SH2D3C: variants seen among roughly 807,000 people sequenced by gnomAD.
SH2D3C encodes the protein SH2 domain-containing protein 3C.
SH2D3C carries 25 observed loss-of-function variants against 75.2 expected under a neutral mutation model. The ratio of observed to expected loss-of-function variants is 0.33; its 90% confidence interval spans 0.24 to 0.46. SH2D3C has a LOEUF of 0.46. SH2D3C is among the 20% of genes least tolerant of loss of function. The pLI is 1.00. For synonymous variants in SH2D3C, 450 were observed against 473.7 expected (o/e 0.95, Z 0.65); for missense variants, 933 against 1,165.3 (o/e 0.80, Z 2.90).
At position 127,749,419 on chromosome 9, in the gene SH2D3C, T is replaced by G; in HGVS notation, c.931A>C (p.Ser311Arg). Reference sequence around the variant, plus strand: ...ACCGGGCAGTAGATGATGGCACCACTCTGCTCTGACACAGCCTTGCGGCTG... The same window carrying G: ...ACCGGGCAGTAGATGATGGCACCACGCTGCTCTGACACAGCCTTGCGGCTG... Reference protein sequence around the residue: ...VGSRKAVSEQSGAIIYCPVNR... With the variant: ...VGSRKAVSEQRGAIIYCPVNR... Residue 311 changes from serine to arginine, a missense_variant, in exon 5 of 12, where the codon AGT (serine) becomes CGT (arginine). Transcript: ENST00000314830. This position sits in a 1 kb window ranked among gnomAD's most constrained non-coding sequence, Gnocchi z 5.9. 1.9e-6 allele frequency: 3 copies of G among 1,614,174 alleles called. No homozygotes were observed. The highest frequency in any genetic ancestry group is 2.5e-6 in the Non-Finnish European group (3 of 1,180,042).
intron 6 of SH2D3C, among the ~76,000 whole-genome samples, chr9:127,745,836 G>C (rs1367011609): frequency 1.3e-5 from 2 of 152,134 alleles, no homozygotes; most frequent in African/African-American, 4.8e-5. Context: ...TTGTGTGCTA[G>C]GAGCTGGCAA....
At chr9:127,762,218 T>C in intron 2 of SH2D3C, 1 of 1,199,330 alleles carries the variant, frequency 8.3e-7, no homozygotes, top group Non-Finnish European at 1.1e-6. Flanking sequence ...GAATTGATTC[T>C]GCCCCCAGGG....
intron 7 of SH2D3C, 150 bp downstream of exon 7, chr9:127,744,414 G>T: frequency 9.7e-7 from 1 of 1,035,280 alleles, no homozygotes. Context: ...TAAATGACCA[G>T]CCCAGAGTCA....
In SH2D3C at chr9:127,747,238, G is replaced by C. The variant is rs758813030; in HGVS notation, c.1173C>G (p.Arg391=). 2.2e-5 allele frequency: 36 copies of C among 1,613,674 alleles called. No individual in the cohort carries two copies. Among genetic ancestry groups the C allele is most frequent in the Non-Finnish European group, 2.8e-5 (33 of 1,180,000 alleles). Residue 391 remains arginine, a synonymous_variant, in exon 6 of 12, where the codon CGC becomes CGG. Transcript: ENST00000314830. ...TSLPRPRDSI[R]SCALSMDQIP... ...TCTGGTCCATGCTGAGGGCACAGCT[G>C]CGGATGGAGTCCCGAGGGCGGGGCA...
At chr9:127,759,799 C>T (rs1047247131) in intron 3 of SH2D3C, among the ~76,000 whole-genome samples, 72 of 151,918 alleles carry the variant, frequency 4.7e-4, no homozygotes, top group Admixed American at 1.2e-3. Flanking sequence ...CTGGCTAACA[C>T]GGTGAAACTC....
At position 127,749,773 on chromosome 9, in the gene SH2D3C, C is replaced by T. The variant is rs2233501; in HGVS notation, c.685-108G>A. On this transcript the variant is annotated intron_variant, in intron 4 of 11. Coordinates refer to ENST00000314830, the MANE Select transcript of SH2D3C (RefSeq NM_170600.3). The surrounding 1 kb of genome is among the most constrained non-coding windows in gnomAD (Gnocchi z 5.9). ...ATTAGGGGGCACAGCAAGACCAGACCCAGGGCATAGAGGACCCAATGAACA... is the reference window on the plus strand; with the variant it reads ...ATTAGGGGGCACAGCAAGACCAGACTCAGGGCATAGAGGACCCAATGAACA... 2,167 of 697,418 alleles carry T rather than the reference C, an allele frequency of 3.1e-3. 40 individuals are homozygous for T. The African/African-American group carries it at 0.035, about 11-fold the overall frequency. 43.2% of individuals were successfully genotyped at this position (697,418 alleles called of 1,614,324 possible).
rs1491164746 is a variant in SH2D3C at position 127,757,639 on chromosome 9, G to GATTATTATT, written c.555+3971_555+3972insAATAATAAT. Among the ~76,000 whole-genome samples the GATTATTATT allele has an allele frequency of 4.8e-3, 557 of 115,270 alleles. 8 individuals carry two copies. The highest frequency in any genetic ancestry group is 0.014 in the East Asian group (56 of 3,988). 75.6% of individuals were successfully genotyped at this position (115,270 alleles called of 152,430 possible). On this transcript the variant is annotated intron_variant, in intron 3 of 11. Coordinates refer to ENST00000314830, the MANE Select transcript of SH2D3C (RefSeq NM_170600.3). ...TGATGATGATGATGATGATGATGAT[G>GATTATTATT]ATGATGATTATTATTATTATTATTA...
At chr9:127,767,405 G>T in intron 2 of SH2D3C, 1 of 1,133,082 alleles carries the variant, frequency 8.8e-7, no homozygotes, top group Non-Finnish European at 1.2e-6. Flanking sequence ...CAGCTGCTCA[G>T]ACTAGAACCA....
chr9:127,747,230 G>A lies in SH2D3C; in HGVS notation c.1181C>T (p.Ala394Val). The part of the protein sequence containing the change: ...PRPRDSIRSC[A>V]LSMDQIPDLH... ...GTCTGGGATCTGGTCCATGCTGAGG[G>A]CACAGCTGCGGATGGAGTCCCGAGG... is the stretch of plus-strand genomic sequence containing the variant. The change falls in exon 6 of 12, where the codon GCC (alanine) becomes GTC (valine). Residue 394 changes from alanine (A) to valine (V), a missense_variant. Coordinates refer to ENST00000314830, the MANE Select transcript of SH2D3C (RefSeq NM_170600.3). 2 of 1,613,790 alleles carry A rather than the reference G, an allele frequency of 1.2e-6. No homozygotes were observed. Among genetic ancestry groups the A allele is most frequent in the Non-Finnish European group, 1.7e-6 (2 of 1,179,946 alleles).
chr9:127,744,698 C>A lies in SH2D3C; in HGVS notation c.1666G>T (p.Ala556Ser). ...IVEVTSSFNP[A>S]TFQSLLIPRD... ...GGGATCAGTAGTGACTGGAAGGTGG[C>A]CGGGTTGAAGGAAGAAGTGACTTCC... Residue 556 changes from alanine (A) to serine (S), a missense_variant, in exon 7 of 12, where the codon GCC becomes TCC. Coordinates refer to ENST00000314830, the MANE Select transcript of SH2D3C (RefSeq NM_170600.3). The A allele has an allele frequency of 6.2e-7, 1 of 1,614,184 alleles. No homozygotes were observed. Among genetic ancestry groups the A allele is most frequent in the Non-Finnish European group, 8.5e-7 (1 of 1,180,030 alleles).
intron 2 of SH2D3C, among the ~76,000 whole-genome samples, chr9:127,773,149 T>C (rs1016298630): frequency 1.1e-4 from 16 of 152,306 alleles, no homozygotes; most frequent in African/African-American, 3.8e-4. Flanking sequence ...AGTGAGATAC[T>C]TGTTTTGATA....
intron 3 of SH2D3C, among the ~76,000 whole-genome samples, chr9:127,756,129 G>A (rs948136804): frequency 4.6e-5 from 7 of 152,058 alleles, no homozygotes; most frequent in Non-Finnish European, 1.0e-4. Context: ...GTGAAACCCT[G>A]TCTCTACTAA....
At chr9:127,756,730 C>T (rs111727301) in intron 3 of SH2D3C, among the ~76,000 whole-genome samples, 8,882 of 150,216 alleles carry the variant, frequency 0.059, 582 homozygotes, top group African/African-American at 0.16. Flanking sequence ...ATGTAAGCTC[C>T]GCCTCCCGCG....
rs1386893820 is a variant in SH2D3C, at chr9:127,742,968, C to G, written c.1801-4G>C. 1.2e-6 allele frequency: 2 copies of G among 1,607,808 alleles called. No homozygotes were observed. The highest frequency in any genetic ancestry group is 1.7e-6 in the Non-Finnish European group (2 of 1,174,854). ...TAACGCCCAGTATCCTAGCAACCTG[C>G]AAAGACGCCCAGAGGGCTGATTAAT... On this transcript the variant is annotated splice_polypyrimidine_tract_variant and splice_region_variant and intron_variant, in intron 7 of 11. Transcript: ENST00000314830.
chr9:127,749,725 T>G lies in SH2D3C; in HGVS notation c.685-60A>C, dbSNP rs540609011. 4.0e-5 allele frequency: 46 copies of G among 1,147,378 alleles called. 1 individual carries two copies. The South Asian group carries it at 5.8e-4, about 15-fold the overall frequency. 71.1% of individuals were successfully genotyped at this position (1,147,378 alleles called of 1,614,324 possible). A position where few individuals can be genotyped will look rare whatever the true frequency, so the allele number is the denominator to read the frequency against. ...GGCCAGGAGAGGGTCAGACCCAGGA[T>G]CTGGGGGACAGAGCAACCCAGGATT... On this transcript the variant is annotated intron_variant, in intron 4 of 11. Coordinates refer to ENST00000314830, the MANE Select transcript of SH2D3C (RefSeq NM_170600.3). This position sits in a 1 kb window ranked among gnomAD's most constrained non-coding sequence, Gnocchi z 5.9.
chr9:127,768,864 G>A (rs967804640), intron 2 of SH2D3C, among the ~76,000 whole-genome samples: 4 of 144,742 alleles, frequency 2.8e-5, no homozygotes, highest in African/African-American at 1.0e-4. Flanking sequence ...CTTTATACAC[G>A]CTGTTCCCTT....
intron 2 of SH2D3C, chr9:127,771,556 C>T: frequency 2.8e-6 from 1 of 353,268 alleles, no homozygotes; most frequent in Non-Finnish European, 5.1e-6. Context: ...CGCTCGCTTC[C>T]CCAGCAGCTC....
chr9:127,756,340 G>A (rs1425778359), intron 3 of SH2D3C, among the ~76,000 whole-genome samples: 1 of 152,182 alleles, frequency 6.6e-6, no homozygotes, highest in African/African-American at 2.4e-5. Flanking sequence ...TTTTGTCTCA[G>A]AACCATAGGC....
chr9:127,742,824 T>G, intron 8 of SH2D3C, 25 bp downstream of exon 8: 1 of 1,576,298 alleles, frequency 6.3e-7, no homozygotes. Context: ...TCCCCGCGAG[T>G]CCCCGGGTGC....
Sources: allele counts gnomAD v4.1 joint callset (sites outside exome capture counted in the v4.1 genomes callset), GRCh38; gene constraint gnomAD v4.1.1; non-coding constraint Gnocchi (gnomAD v3.1); transcripts MANE v1.5; gene names NCBI Gene and HGNC (gene_info 2026-07-23, HGNC 2026-07-21).